The following SYNE1 variants were observed in gnomAD, a reference collection of about 807,000 sequenced individuals.
The protein encoded by SYNE1 is spectrin repeat containing nuclear envelope protein 1, also known as nesprin-1.
A neutral mutation model predicts 1,111.0 loss-of-function variants in SYNE1; 616 were observed. That is an observed-to-expected ratio of 0.55 (90% CI 0.52 to 0.59). The LOEUF (loss-of-function observed/expected upper bound fraction) is 0.59, where lower values mean the gene tolerates loss of function less well. SYNE1 is among the 20% of genes least tolerant of loss of function. The probability of loss-of-function intolerance (pLI) is 0.00; values close to 1 mark genes in which losing one functional copy is unlikely to be tolerated. For missense variants in SYNE1, 10,006 were observed against 10,417.0 expected, an observed-to-expected ratio of 0.96 and a Z score of 1.72; for synonymous variants, 3,855 against 3,825.8, an observed-to-expected ratio of 1.01 and a Z score of -0.28.
intron 59 of SYNE1, among the ~76,000 whole-genome samples, 184 bp downstream of exon 59, chr6:152,372,853 A>C (rs981720164): frequency 5.3e-5 from 8 of 152,230 alleles, no homozygotes; most frequent in African/African-American, 1.9e-4. Flanking sequence ...TTAATTCTTC[A>C]GGGAGGCTCC....
chr6:152,470,912 A>G (rs2098801939), intron 16 of SYNE1, among the ~76,000 whole-genome samples: 1 of 152,206 alleles, frequency 6.6e-6, no homozygotes, highest in South Asian at 2.1e-4. Flanking sequence ...TGTCTTTAGT[A>G]TCTATAATAC....
intron 53 of SYNE1, among the ~76,000 whole-genome samples, chr6:152,389,289 T>C (rs2097571497): frequency 6.6e-6 from 1 of 152,196 alleles, no homozygotes; most frequent in Non-Finnish European, 1.5e-5. Flanking sequence ...TGCCCAGATT[T>C]ATTTCATTGC....
intron 67 of SYNE1, 41 bp downstream of exon 67, chr6:152,354,618 C>A (rs778663925): frequency 6.2e-7 from 1 of 1,607,944 alleles, no homozygotes; most frequent in Admixed American, 1.7e-5. Context: ...TGCAAGGTAA[C>A]TGTAGCTTTG....
intron 62 of SYNE1, chr6:152,366,903 T>C (rs921050898): frequency 6.2e-6 from 3 of 484,840 alleles, no homozygotes; most frequent in African/African-American, 3.9e-5. Flanking sequence ...TTTTGCCCTA[T>C]AAAATGTTTC....
intron 72 of SYNE1, among the ~76,000 whole-genome samples, chr6:152,349,718 C>A (rs2096708487): frequency 6.6e-6 from 1 of 152,192 alleles, no homozygotes; most frequent in Non-Finnish European, 1.5e-5. Context: ...CAAATCTCAT[C>A]TTGAATTCCT....
intron 60 of SYNE1, 60 bp from the exon 61 acceptor site, chr6:152,369,187 C>T: frequency 6.3e-7 from 1 of 1,592,948 alleles, no homozygotes; most frequent in Non-Finnish European, 8.5e-7. Context: ...GCGGACGAAG[C>T]TTTGGCCCAG....
chr6:152,331,260 C>A lies in SYNE1; in HGVS notation c.13425G>T (p.Lys4475Asn). 6 of 1,614,114 alleles carry A rather than the reference C, an allele frequency of 3.7e-6. No individual in the cohort carries two copies. Among genetic ancestry groups the A allele is most frequent in the Non-Finnish European group, 5.1e-6 (6 of 1,180,036 alleles). ...ATSQIQQHER[K>N]IMFREHICLL... The stretch of plus-strand genomic sequence containing the variant: ...GACAGATGTGTTCACGGAACATTAT[C>A]TTTCGCTCATGTTGCTGAATTTGGC... The change falls in exon 78 of 146, where the codon AAG becomes AAT. Residue 4475 changes from lysine to asparagine, a missense_variant. This residue lies in a region of SYNE1 where 4,955 missense variants were observed against 5,017.2 expected (regional missense o/e 0.99). Coordinates refer to ENST00000367255, the MANE Select transcript of SYNE1 (RefSeq NM_182961.4).
At chr6:152,176,610 A>T (rs1241272998) in intron 129 of SYNE1, 50 bp from the exon 130 acceptor site, 2 of 1,560,902 alleles carry the variant, frequency 1.3e-6, no homozygotes, top group Non-Finnish European at 8.8e-7. Flanking sequence ...TTCTTAATAC[A>T]TCCAGCCCAG....
At chr6:152,218,918 A>G in intron 120 of SYNE1, 85 bp downstream of exon 120, 2 of 1,406,312 alleles carry the variant, frequency 1.4e-6, no homozygotes, top group Non-Finnish European at 2.0e-6. Context: ...CATTGTTGCC[A>G]TGACAAGGAA....
chr6:152,168,257 C>G, intron 130 of SYNE1: 1 of 668,802 alleles, frequency 1.5e-6, no homozygotes, highest in Non-Finnish European at 2.7e-6. Context: ...CTATATCCTG[C>G]GTGGGGATGA....
At position 152,149,513 on chromosome 6, in the gene SYNE1, A is replaced by G; in HGVS notation, c.24606T>C (p.Arg8202=). 2 of 1,614,146 alleles carry G rather than the reference A, an allele frequency of 1.2e-6. No individual in the cohort carries two copies. The highest frequency in any genetic ancestry group is 3.3e-5 in the Admixed American group (2 of 60,020). Residue 8202 remains arginine, a synonymous_variant, in exon 136 of 146, where the codon CGT becomes CGC. Coordinates refer to ENST00000367255, the MANE Select transcript of SYNE1 (RefSeq NM_182961.4). The part of the protein sequence containing the change: ...LRRYCQEVFG[R]VERYHKKLIR... ...TCAGTTTCTTATGGTATCTTTCCAC[A>G]CGCCCGAAGACCTCCTGGCAGTACC...
intron 54 of SYNE1, among the ~76,000 whole-genome samples, chr6:152,386,571 T>C (rs747689997): frequency 6.6e-6 from 1 of 152,110 alleles, no homozygotes. Context: ...ATGAAGGAAA[T>C]GAAAGATTCA....
intron 11 of SYNE1, among the ~76,000 whole-genome samples, chr6:152,494,552 C>T (rs1308193717): frequency 1.3e-5 from 2 of 152,036 alleles, no homozygotes; most frequent in Non-Finnish European, 2.9e-5. Flanking sequence ...TACTGCTCCG[C>T]CCTCCTCCAC....
rs780998072 is a variant in SYNE1, at chr6:152,354,886, C to T, written c.10699G>A (p.Ala3567Thr). ...AGAGACTCTAAAGCCCGGTCCTCTGCCTGTGGGATACCTGATGGGATCACA... is the reference window on the plus strand; with the variant it reads ...AGAGACTCTAAAGCCCGGTCCTCTGTCTGTGGGATACCTGATGGGATCACA... Reference protein sequence around the residue: ...EDVIPSGIPQAEDRALESLRQ... With the variant: ...EDVIPSGIPQTEDRALESLRQ... The change falls in exon 67 of 146, where the codon GCA (alanine) becomes ACA (threonine). Residue 3567 changes from alanine to threonine, a missense_variant. Physicochemically the swap from Ala to Thr is moderately conservative, Grantham distance 58 (BLOSUM62 0). Around this residue, in one of 7 missense-constraint regions of SYNE1, gnomAD observed 4,955 missense variants for 5,017.2 expected, o/e 0.99. Coordinates refer to ENST00000367255, the MANE Select transcript of SYNE1 (RefSeq NM_182961.4). The T allele has an allele frequency of 1.5e-5, 25 of 1,614,050 alleles. No individual in the cohort carries two copies. The highest frequency in any genetic ancestry group is 8.5e-7 in the Non-Finnish European group (1 of 1,180,042).
intron 104 of SYNE1, among the ~76,000 whole-genome samples, chr6:152,252,473 T>C (rs543732617): frequency 2.0e-5 from 3 of 152,262 alleles, no homozygotes; most frequent in African/African-American, 7.2e-5. Context: ...ATAATTGACT[T>C]TATTGTGATT....
At chr6:152,499,806 A>G (rs1025190738) in intron 10 of SYNE1, among the ~76,000 whole-genome samples, 4 of 152,198 alleles carry the variant, frequency 2.6e-5, no homozygotes, top group Admixed American at 6.5e-5. Flanking sequence ...ATAAGCCTGA[A>G]TAAATCATAT....
At position 152,368,123 on chromosome 6, in the gene SYNE1, A is replaced by C. The variant is rs1591267995; in HGVS notation, c.9808-741T>G. 4 of 153,074 alleles carry C rather than the reference A, an allele frequency of 2.6e-5. 1 individual carries two copies. 9.5% of individuals were successfully genotyped at this position (153,074 alleles called of 1,614,324 possible). ...TGACTGCTTCAGTGATGTGTATTGA[A>C]GACCCAAATGAGCAGACCCTCTGTA... is the stretch of plus-strand genomic sequence containing the variant. On this transcript the variant is annotated intron_variant, in intron 61 of 145. Transcript: ENST00000367255.
chr6:152,523,209 C>A (rs1163777154), intron 5 of SYNE1, among the ~76,000 whole-genome samples: 1 of 151,820 alleles, frequency 6.6e-6, no homozygotes, highest in East Asian at 1.9e-4. Flanking sequence ...AGTATTTGAG[C>A]CATCCTGAGT....
In SYNE1 at chr6:152,122,774, C is replaced by G. The variant is rs2051751548; in HGVS notation, c.26154-98G>C. 7 of 1,577,388 alleles carry G rather than the reference C, an allele frequency of 4.4e-6. No homozygotes were observed. The East Asian group carries it at 1.6e-4, about 35-fold the overall frequency. ...CTTCCTGGAAGCTAAAGGGCCATGC[C>G]AAGCACACCCCAGCCTGGCGATCAG... On this transcript the variant is annotated intron_variant, in intron 145 of 145. Transcript: ENST00000367255.
Sources: gnomAD v4.1 joint callset for allele counts (sites outside exome capture counted in the v4.1 genomes callset) on GRCh38, gnomAD v4.1.1 for gene constraint, gnomAD v4.1.1 regional missense constraint, MANE v1.5 for transcripts, NCBI Gene and HGNC (gene_info 2026-07-23, HGNC 2026-07-21) for gene names.